FBF1: variants seen among roughly 807,000 people sequenced by gnomAD.
FBF1 encodes the protein fas-binding factor 1.
Under a neutral mutation model 147.2 loss-of-function variants are expected in FBF1, and 119 were observed. The ratio of observed to expected loss-of-function variants is 0.81; its 90% confidence interval spans 0.70 to 0.94. The LOEUF is 0.94. FBF1 is among the 40% of genes least tolerant of loss of function. The pLI is 0.00. For synonymous variants in FBF1, 601 were observed against 609.0 expected, an observed-to-expected ratio of 0.99 and a Z score of 0.19; for missense variants, 1,449 against 1,500.8, an observed-to-expected ratio of 0.97 and a Z score of 0.57.
chr17:75,924,569 T>C (rs2144175995), intron 13 of FBF1, among the ~76,000 whole-genome samples: 1 of 152,212 alleles, frequency 6.6e-6, no homozygotes, highest in East Asian at 1.9e-4. Context: ...CTTCCGCCTC[T>C]AGGATTCAAG....
In FBF1 at chr17:75,928,234, A is replaced by G; in HGVS notation, c.280-41T>C. 1.3e-6 allele frequency: 2 copies of G among 1,566,566 alleles called. No individual in the cohort carries two copies. The highest frequency in any genetic ancestry group is 1.8e-6 in the Non-Finnish European group (2 of 1,137,482). Reference sequence around the variant, plus strand: ...GGGAGGGCAGAGGACTATGTCTGATAAGGGGCTGAGGACTTCCACCTGAGA... The same window carrying G: ...GGGAGGGCAGAGGACTATGTCTGATGAGGGGCTGAGGACTTCCACCTGAGA... On this transcript the variant is annotated intron_variant, in intron 7 of 29. Transcript: ENST00000636174. The surrounding 1 kb of genome is among the most constrained non-coding windows in gnomAD (Gnocchi z 4.2).
At chr17:75,911,110 G>A (rs550369919) in intron 29 of FBF1, among the ~76,000 whole-genome samples, 30 of 152,230 alleles carry the variant, frequency 2.0e-4, no homozygotes, top group Non-Finnish European at 3.5e-4. Context: ...GGCTGTGTGA[G>A]GGTAAAAGCT....
chr17:75,909,926 G>A lies in FBF1; in HGVS notation c.*797C>T, dbSNP rs1192173490. 1 of 700,534 alleles carries A rather than the reference G, an allele frequency of 1.4e-6. No homozygotes were observed. Among genetic ancestry groups the A allele is most frequent in the Non-Finnish European group, 2.6e-6 (1 of 383,972 alleles). 43.4% of individuals were successfully genotyped at this position (700,534 alleles called of 1,614,324 possible). On this transcript the variant is annotated 3_prime_UTR_variant, in exon 30 of 30. Coordinates refer to ENST00000636174, the MANE Select transcript of FBF1 (RefSeq NM_001319193.2). Reference sequence around the variant, plus strand: ...GAGGATCAGAGAAACCTCTGTAGTTGTGATTGGTTCCTTGTCGCCTCCACT... The same window carrying A: ...GAGGATCAGAGAAACCTCTGTAGTTATGATTGGTTCCTTGTCGCCTCCACT...
chr17:75,917,787 T>C lies in FBF1; in HGVS notation c.2450A>G (p.Glu817Gly), dbSNP rs772961723. 5 of 1,611,038 alleles carry C rather than the reference T, an allele frequency of 3.1e-6. No homozygotes were observed. The highest frequency in any genetic ancestry group is 4.2e-6 in the Non-Finnish European group (5 of 1,179,336). ...CCGTGCCTCCATCTTCCCGATGACC[T>C]CCTGTTGCCGGCTCCGCTCCTCCTC... ...DMEEERSRQQ[E>G]VIGKMEARLN... is the part of the protein sequence containing the mutation. Residue 817 changes from glutamate to glycine, a missense_variant, in exon 23 of 30, where the codon GAG (glutamate) becomes GGG (glycine). Transcript: ENST00000636174.
Position 75,919,941 on chromosome 17 carries a change from G to A in FBF1, c.1931+66C>T. On this transcript the variant is annotated intron_variant, in intron 19 of 29. Transcript: ENST00000636174. This position sits in a 1 kb window ranked among gnomAD's most constrained non-coding sequence, Gnocchi z 5.0. ...GGCTGCCGCCTAAAGGCCTCTCCAGGCACACTGGGTGGCCTTTGGGGTCAG... is the reference window on the plus strand; with the variant it reads ...GGCTGCCGCCTAAAGGCCTCTCCAGACACACTGGGTGGCCTTTGGGGTCAG... The A allele has an allele frequency of 6.2e-7, 1 of 1,610,980 alleles. No homozygotes were observed. Among genetic ancestry groups the A allele is most frequent in the South Asian group, 1.1e-5 (1 of 91,000 alleles).
In FBF1 at chr17:75,913,773, C is replaced by T. The variant is rs767631656; in HGVS notation, c.3176G>A (p.Arg1059Gln). The T allele has an allele frequency of 1.7e-5, 28 of 1,605,280 alleles. No individual in the cohort carries two copies. The highest frequency in any genetic ancestry group is 2.1e-5 in the Non-Finnish European group (25 of 1,179,400). Reference sequence around the variant, plus strand: ...CACGAGGCTAGAGGGCAGGTCCTGTCGTGCGCGGTCCAGTTGCAGCCTCTG... The same window carrying T: ...CACGAGGCTAGAGGGCAGGTCCTGTTGTGCGCGGTCCAGTTGCAGCCTCTG... ...AQQRLQLDRA[R>Q]QDLPSSLVGL... The change falls in exon 28 of 30, where the codon CGA becomes CAA. Residue 1059 changes from arginine (R) to glutamine (Q), a missense_variant. Physicochemically the swap from Arg to Gln is conservative, Grantham distance 43. Transcript: ENST00000636174.
chr17:75,912,394 C>A, intron 28 of FBF1, 87 bp from the exon 29 acceptor site: 2 of 1,007,576 alleles, frequency 2.0e-6, no homozygotes, highest in Non-Finnish European at 1.4e-6. Flanking sequence ...GCTGCTCCCC[C>A]CGCCAGTGGG....
At chr17:75,938,083 C>A (rs2144201926) in intron 2 of FBF1, 64 bp downstream of exon 2, 1 of 1,604,438 alleles carries the variant, frequency 6.2e-7, no homozygotes, top group Non-Finnish European at 8.5e-7. Context: ...CAGTCAAGAT[C>A]TTTGGGGATG....
chr17:75,921,764 A>C (rs2065528817), intron 15 of FBF1, among the ~76,000 whole-genome samples, 181 bp downstream of exon 15: 1 of 96,442 alleles, frequency 1.0e-5, no homozygotes. Context: ...GGACACGGGG[A>C]TGGGGCAGGG....
At position 75,923,239 on chromosome 17, in the gene FBF1, C is replaced by T; in HGVS notation, c.1371G>A (p.Gly457=). 1 of 1,591,836 alleles carries T rather than the reference C, an allele frequency of 6.3e-7. No individual in the cohort carries two copies. The highest frequency in any genetic ancestry group is 8.5e-7 in the Non-Finnish European group (1 of 1,169,710). The change falls in exon 14 of 30, where the codon GGG becomes GGA. Residue 457 remains glycine (G), a synonymous_variant. Coordinates refer to ENST00000636174, the MANE Select transcript of FBF1 (RefSeq NM_001319193.2). This position sits in a 1 kb window ranked among gnomAD's most constrained non-coding sequence, Gnocchi z 4.1. ...SQGLAREQHA[G]TSEGLHLAGT... ...CCGCCAAATGCAGGCCCTCAGAGGTCCCAGCATGCTGCTCTCTGGCCAGGC... is the reference window on the plus strand; with the variant it reads ...CCGCCAAATGCAGGCCCTCAGAGGTTCCAGCATGCTGCTCTCTGGCCAGGC...
In FBF1 at chr17:75,919,869, C is replaced by G. The variant is rs371761849; in HGVS notation, c.1937G>C (p.Arg646Pro). The G allele has an allele frequency of 6.2e-6, 10 of 1,613,576 alleles. No individual in the cohort carries two copies. In the African/African-American group the frequency reaches 1.3e-4, roughly 22 times the overall value. Residue 646 changes from arginine (R) to proline (P), a missense_variant, in exon 20 of 30, where the codon CGC becomes CCC. Physicochemically the swap from Arg to Pro is moderately radical, Grantham distance 103. Transcript: ENST00000636174. The surrounding 1 kb of genome is among the most constrained non-coding windows in gnomAD (Gnocchi z 5.0). Reference sequence around the variant, plus strand: ...GTACGATGTTTCTAGCACCTTGATGCGGCTTCTGCCAACAGAACACCCAGC... The same window carrying G: ...GTACGATGTTTCTAGCACCTTGATGGGGCTTCTGCCAACAGAACACCCAGC... ...LELIESAHRS[R>P]IKVLETSYQQ...
chr17:75,912,979 G>A (rs1310968967), intron 28 of FBF1, among the ~76,000 whole-genome samples: 4 of 151,716 alleles, frequency 2.6e-5, no homozygotes, highest in Non-Finnish European at 5.9e-5. Context: ...GGTGGAGGTT[G>A]CACTAAGCCG....
chr17:75,932,209 C>CA (rs2065598731), intron 5 of FBF1, among the ~76,000 whole-genome samples: 1 of 151,476 alleles, frequency 6.6e-6, no homozygotes, highest in South Asian at 2.1e-4. Context: ...GGTGAAACCC[C>CA]ATCTCCACTA....
chr17:75,938,902 C>G (rs895318871), intron 1 of FBF1, among the ~76,000 whole-genome samples: 31 of 151,806 alleles, frequency 2.0e-4, no homozygotes, highest in Non-Finnish European at 4.6e-4. Context: ...AGCATGAATC[C>G]AAGGGTTATC....
chr17:75,911,927 C>T (rs529655351), intron 29 of FBF1, among the ~76,000 whole-genome samples: 3 of 152,224 alleles, frequency 2.0e-5, no homozygotes, highest in Non-Finnish European at 4.4e-5. Context: ...GTTGGGATTA[C>T]AGGTGTGAGC....
At chr17:75,939,620 T>C (rs2065647917) in intron 1 of FBF1, among the ~76,000 whole-genome samples, 1 of 152,184 alleles carries the variant, frequency 6.6e-6, no homozygotes, top group Admixed American at 6.5e-5. Context: ...GGTATTGAAC[T>C]CTGGGGCTCA....
chr17:75,927,065 G>A (rs1051341616), intron 9 of FBF1, among the ~76,000 whole-genome samples, 188 bp from the exon 10 acceptor site: 2 of 152,190 alleles, frequency 1.3e-5, no homozygotes, highest in Non-Finnish European at 2.9e-5. Flanking sequence ...GGCAAGGAGA[G>A]AGGGAGTTGG....
rs140747613 is a variant in FBF1, at chr17:75,914,060, G to A, written c.2992-10C>T. ...ACTTCTCGGAGGCCACCTGCAGGGA[G>A]GCCGCCTGGGTCAGGGCTGCCTGGG... On this transcript the variant is annotated splice_polypyrimidine_tract_variant and intron_variant, in intron 26 of 29. Coordinates refer to ENST00000636174, the MANE Select transcript of FBF1 (RefSeq NM_001319193.2). 1,316 of 1,591,786 alleles carry A rather than the reference G, an allele frequency of 8.3e-4. 13 individuals are homozygous for A. The African/African-American group carries it at 0.014, about 17-fold the overall frequency.
chr17:75,925,946 CTGA>C lies in FBF1; in HGVS notation c.868+81_868+83del. On this transcript the variant is annotated intron_variant, in intron 12 of 29. Transcript: ENST00000636174. The surrounding 1 kb of genome is among the most constrained non-coding windows in gnomAD (Gnocchi z 5.0). ...CACATGTGTGTATCAGGATGTGAGGCTGATTTCTCATTATAGGTTGTGATGAAA... is the reference window on the plus strand; with the variant it reads ...CACATGTGTGTATCAGGATGTGAGGCTTTCTCATTATAGGTTGTGATGAAA... 1.4e-6 allele frequency: 2 copies of C among 1,476,856 alleles called. No homozygotes were observed. Among genetic ancestry groups the C allele is most frequent in the Non-Finnish European group, 9.0e-7 (1 of 1,110,518 alleles). 91.5% of individuals were successfully genotyped at this position (1,476,856 alleles called of 1,614,324 possible). A position where few individuals can be genotyped will look rare whatever the true frequency, so the allele number is the denominator to read the frequency against.
Sources: allele counts gnomAD v4.1 joint callset (sites outside exome capture counted in the v4.1 genomes callset), GRCh38; gene constraint gnomAD v4.1.1; non-coding constraint Gnocchi (gnomAD v3.1); transcripts MANE v1.5; gene names NCBI Gene and HGNC (gene_info 2026-07-23, HGNC 2026-07-21).